The following OR7E24 variants were observed in gnomAD, a reference collection of about 807,000 sequenced individuals.
The protein encoded by OR7E24 is olfactory receptor family 7 subfamily E member 24, also known as olfactory receptor 7E24.
For missense variants in OR7E24, 385 were observed against 410.3 expected (o/e 0.94, Z 0.53); for synonymous variants, 130 against 157.5 (o/e 0.83, Z 1.31).
chr19:9,215,939 A>G, the OR7E24 span, among the ~76,000 whole-genome samples: 1 of 152,166 alleles, frequency 6.6e-6, no homozygotes, highest in Non-Finnish European at 1.5e-5. Flanking sequence ...TAATGGACTT[A>G]CAGTTCCACG....
At chr19:9,208,489 T>C in the OR7E24 span, 1 of 152,210 alleles carries the variant, frequency 6.6e-6, no homozygotes, top group Non-Finnish European at 1.5e-5. Context: ...TAAGTGGCAG[T>C]GCCCTATTTC....
At chr19:9,211,917 T>G in the OR7E24 span, 1 of 152,296 alleles carries the variant, frequency 6.6e-6, no homozygotes. Context: ...TGATGTGGTT[T>G]GTCACTGTCT....
At chr19:9,206,733 T>C in the OR7E24 span, 2 of 152,250 alleles carry the variant, frequency 1.3e-5, no homozygotes, top group African/African-American at 4.8e-5. Context: ...AGGGTGTTAA[T>C]TGAGGACTTA....
chr19:9,219,890 G>T, the OR7E24 span, among the ~76,000 whole-genome samples: 2 of 152,030 alleles, frequency 1.3e-5, no homozygotes, highest in African/African-American at 4.8e-5. Flanking sequence ...CACAAGTTTT[G>T]CCCTAAGGAA....
At chr19:9,215,111 A>G in the OR7E24 span, among the ~76,000 whole-genome samples, 35 of 152,078 alleles carry the variant, frequency 2.3e-4, no homozygotes, top group African/African-American at 8.5e-4. Flanking sequence ...TTGGGAGGAC[A>G]AGGTGGGCAG....
At chr19:9,230,814 A>G in the OR7E24 span, among the ~76,000 whole-genome samples, 4 of 152,124 alleles carry the variant, frequency 2.6e-5, no homozygotes, top group Admixed American at 2.6e-4. Flanking sequence ...TTTCATTTTT[A>G]CCAATGTCTT....
chr19:9,226,121 G>T, the OR7E24 span, among the ~76,000 whole-genome samples: 1 of 152,216 alleles, frequency 6.6e-6, no homozygotes, highest in African/African-American at 2.4e-5. Context: ...TGAAGTGCTA[G>T]GCAGCAGCAT....
chr19:9,247,728 C>T (rs2066134545), upstream of OR7E24, among the ~76,000 whole-genome samples: 1 of 152,202 alleles, frequency 6.6e-6, no homozygotes, highest in Admixed American at 6.5e-5. Context: ...TTTCCATACT[C>T]CCTTACAAGC....
At chr19:9,219,423 C>G in the OR7E24 span, 1 of 152,146 alleles carries the variant, frequency 6.6e-6, no homozygotes, top group Non-Finnish European at 1.5e-5. Context: ...GGGACTTCAC[C>G]TTCATAGACT....
chr19:9,244,854 C>A (rs1181076961), upstream of OR7E24, among the ~76,000 whole-genome samples: 3 of 152,166 alleles, frequency 2.0e-5, no homozygotes, highest in African/African-American at 4.8e-5. Flanking sequence ...TAGAGGCTAA[C>A]AACCAAACAA....
chr19:9,217,114 A>T, the OR7E24 span, among the ~76,000 whole-genome samples: 15 of 152,108 alleles, frequency 9.9e-5, no homozygotes, highest in African/African-American at 3.6e-4. Flanking sequence ...TTCCTCCAAG[A>T]AGTAACAAAA....
the OR7E24 span, chr19:9,214,516 C>A: frequency 1.9e-6 from 3 of 1,614,132 alleles, no homozygotes; most frequent in Non-Finnish European, 2.5e-6. Flanking sequence ...TCCATTCCAG[C>A]AAACATCATT....
At chr19:9,209,390 A>G in the OR7E24 span, 7 of 152,094 alleles carry the variant, frequency 4.6e-5, no homozygotes, top group African/African-American at 1.7e-4. Flanking sequence ...GTTTCCCTTG[A>G]AATGATAGCC....
chr19:9,227,554 A>G, the OR7E24 span, among the ~76,000 whole-genome samples: 1 of 151,866 alleles, frequency 6.6e-6, no homozygotes, highest in African/African-American at 2.4e-5. Context: ...ATGGCTGCAT[A>G]GTATTCCATG....
Position 9,251,879 on chromosome 19 carries a change from G to T in OR7E24, c.836G>T (p.Ser279Ile). The T allele has an allele frequency of 6.2e-7, 1 of 1,614,080 alleles. No individual in the cohort carries two copies. Among genetic ancestry groups the T allele is most frequent in the African/African-American group, 1.3e-5 (1 of 75,018 alleles). Residue 279 changes from serine to isoleucine, a missense_variant, in exon 1 of 1, where the codon AGT (serine) becomes ATT (isoleucine). By Grantham distance (142) the Ser-to-Ile change is moderately radical. Transcript: ENST00000456448. The stretch of plus-strand genomic sequence containing the variant: ...GGAACAGGGCTTGTAGGGTACCTCA[G>T]TTCAGCTGTGTTACCATCCCCCAGG... ...FYGTGLVGYL[S>I]SAVLPSPRKS... is the part of the protein sequence containing the mutation.
In OR7E24 at chr19:9,252,147, C is replaced by A; in HGVS notation, c.*84C>A. ...TTTGGTTGCTTGATGGCTTTCATTC[C>A]TCTCTGGGTTTCGTATGTGAATATT... On this transcript the variant is annotated 3_prime_UTR_variant, in exon 1 of 1. Coordinates refer to ENST00000456448, the MANE Select transcript of OR7E24 (RefSeq NM_001079935.2). The A allele has an allele frequency of 1.8e-6, 2 of 1,140,860 alleles. No individual in the cohort carries two copies. Among genetic ancestry groups the A allele is most frequent in the Non-Finnish European group, 2.5e-6 (2 of 804,338 alleles). The allele number at this position is 1,140,860 out of a possible 1,614,324, so 70.7% of individuals were successfully genotyped here. A position where few individuals can be genotyped will look rare whatever the true frequency, so the allele number is the denominator to read the frequency against.
chr19:9,234,218 G>A, the OR7E24 span, among the ~76,000 whole-genome samples: 1 of 152,090 alleles, frequency 6.6e-6, no homozygotes. Flanking sequence ...CTTTCTTAAG[G>A]TCACACAATA....
At chr19:9,214,187 G>A in the OR7E24 span, 153,081 of 1,613,186 alleles carry the variant, frequency 0.095, 10,447 homozygotes, top group African/African-American at 0.33. Flanking sequence ...TCTGAGAGTA[G>A]GAGAAGAGGA....
At chr19:9,221,552 C>T in the OR7E24 span, among the ~76,000 whole-genome samples, 3 of 151,384 alleles carry the variant, frequency 2.0e-5, no homozygotes, top group East Asian at 2.0e-4. Flanking sequence ...GGGTTATCAC[C>T]GTGTTAGCCA....
Sources: gnomAD v4.1 joint callset for allele counts (sites outside exome capture counted in the v4.1 genomes callset) on GRCh38, gnomAD v4.1.1 for gene constraint, MANE v1.5 for transcripts, NCBI Gene and HGNC (gene_info 2026-07-23, HGNC 2026-07-21) for gene names.